Variants in SOX5 observed in about 807,000 individuals in gnomAD.
SOX5 encodes the protein SRY-box transcription factor 5, also known as transcription factor SOX-5.
In SOX5, 9 loss-of-function variants were observed where a neutral mutation model predicts 92.0. That is an observed-to-expected ratio of 0.10 (90% CI 0.06 to 0.17). The LOEUF (loss-of-function observed/expected upper bound fraction) is 0.17, where lower values mean the gene tolerates loss of function less well. Among genes scored for constraint, SOX5 ranks in the 10% least tolerant of loss-of-function variants. The probability of loss-of-function intolerance (pLI) is 1.00; values close to 1 mark genes in which losing one functional copy is unlikely to be tolerated. For missense variants in SOX5, 642 were observed against 944.5 expected (o/e 0.68, Z 4.20); for synonymous variants, 344 against 336.3 (o/e 1.02, Z -0.25).
intron 2 of SOX5, among the ~76,000 whole-genome samples, chr12:23,872,905 C>A (rs76794929): frequency 0.053 from 7,995 of 152,226 alleles, 245 homozygotes; most frequent in African/African-American, 0.08. Flanking sequence ...CCTGAAAGAT[C>A]ATCTTCATAT....
At chr12:23,557,849 G>A (rs1015653475) in intron 11 of SOX5, among the ~76,000 whole-genome samples, 4 of 151,984 alleles carry the variant, frequency 2.6e-5, no homozygotes, top group East Asian at 1.9e-4. Flanking sequence ...TGTGGCACAC[G>A]CCTGTAGTCC....
At chr12:23,707,071 A>G (rs528098866) in intron 6 of SOX5, among the ~76,000 whole-genome samples, 19 of 152,256 alleles carry the variant, frequency 1.2e-4, no homozygotes, top group Middle Eastern at 6.8e-3. Context: ...TAGATTTCCT[A>G]TTAGTGCAGT....
chr12:24,379,876 C>CTTTTTT (rs10652256), intron 1 of SOX5, among the ~76,000 whole-genome samples: 78,513 of 139,050 alleles, frequency 0.56, 22,699 homozygotes, highest in Non-Finnish European at 0.61. Flanking sequence ...CCAGAAGATT[C>CTTTTTT]TTTTTTTTTT....
At chr12:23,912,102 A>G (rs2097358066) in intron 1 of SOX5, among the ~76,000 whole-genome samples, 1 of 152,098 alleles carries the variant, frequency 6.6e-6, no homozygotes, top group African/African-American at 2.4e-5. Flanking sequence ...TAATTTATAT[A>G]TAAATATATA....
At chr12:24,536,449 G>A (rs1054579813) in intron 1 of SOX5, among the ~76,000 whole-genome samples, 1 of 152,114 alleles carries the variant, frequency 6.6e-6, no homozygotes, top group Admixed American at 6.5e-5. Flanking sequence ...AGGGGCAAAA[G>A]TTCAGAGCAA....
At chr12:23,847,119 T>C (rs902740856) in intron 2 of SOX5, among the ~76,000 whole-genome samples, 1 of 152,120 alleles carries the variant, frequency 6.6e-6, no homozygotes, top group African/African-American at 2.4e-5. Flanking sequence ...GGAGGAGTGA[T>C]AATGAAATGA....
intron 4 of SOX5, among the ~76,000 whole-genome samples, chr12:24,083,160 G>A (rs1943569446): frequency 6.6e-6 from 1 of 151,908 alleles, no homozygotes; most frequent in African/African-American, 2.4e-5. Flanking sequence ...TTTTTCAAGT[G>A]TATTCAATTT....
At chr12:23,666,760 C>G (rs901592993) in intron 6 of SOX5, among the ~76,000 whole-genome samples, 1 of 152,124 alleles carries the variant, frequency 6.6e-6, no homozygotes, top group Non-Finnish European at 1.5e-5. Flanking sequence ...AATCCCACAT[C>G]TATGAAGCCT....
intron 1 of SOX5, among the ~76,000 whole-genome samples, chr12:24,461,574 A>G (rs1015299517): frequency 6.6e-6 from 1 of 152,226 alleles, no homozygotes; most frequent in Admixed American, 6.5e-5. Context: ...CCTGAAGATA[A>G]CAATAGTCCT....
chr12:23,575,869 T>C (rs758738290), intron 9 of SOX5, 31 bp from the exon 10 acceptor site: 1 of 1,498,672 alleles, frequency 6.7e-7, no homozygotes, highest in South Asian at 1.4e-5. Context: ...TGAGCTGTGA[T>C]AAGGAAAGGC....
At position 23,600,519 on chromosome 12, in the gene SOX5, G is replaced by A. The variant is rs1250569931; in HGVS notation, c.1164+3868C>T. Among the ~76,000 whole-genome samples, 13 of 13,062 alleles carry A rather than the reference G, an allele frequency of 1.0e-3. No homozygotes were observed. The East Asian group carries it at 0.012, about 12-fold the overall frequency. The allele number at this position is 13,062 out of a possible 152,430, so 8.6% of individuals were successfully genotyped here. On this transcript the variant is annotated intron_variant, in intron 9 of 14. Coordinates refer to ENST00000451604, the MANE Select transcript of SOX5 (RefSeq NM_006940.6). ...GGCAAGATAGACCATGGCGGGGGGG[G>A]TGCATATATATATATATATATATAT... is the stretch of plus-strand genomic sequence containing the variant.
At chr12:23,896,705 G>T (rs1410176485) in intron 1 of SOX5, among the ~76,000 whole-genome samples, 3 of 132,806 alleles carry the variant, frequency 2.3e-5, no homozygotes, top group Admixed American at 8.1e-5. Context: ...TAACAAAGTT[G>T]CAAGGTAGTA....
rs1385410544 is a variant in SOX5, at chr12:24,509,685, C to T, written c.-251+52644G>A. 3.9e-5 allele frequency among the ~76,000 whole-genome samples: 6 copies of T among 152,282 alleles called. No homozygotes were observed. The South Asian group carries it at 1.0e-3, about 26-fold the overall frequency. Reference sequence around the variant, plus strand: ...GATGGATGTGTTTATGCAGAATGCCCCGGCCTCTCATTAGCAAGCTATAAA... The same window carrying T: ...GATGGATGTGTTTATGCAGAATGCCTCGGCCTCTCATTAGCAAGCTATAAA... On this transcript the variant is annotated intron_variant, in intron 1 of 4. Transcript: ENST00000446891.
chr12:23,960,514 CATATATATATATATACAT>C lies in SOX5; in HGVS notation c.-1-64508_-1-64491del, dbSNP rs1240517742. Reference sequence around the variant, plus strand: ...ATTTATATACATATATATTTATATACATATATATATATATACATATATATATATATATGAAGTCAGTTA... The same window carrying C: ...ATTTATATACATATATATTTATATACATATATATATATATGAAGTCAGTTA... On this transcript the variant is annotated intron_variant, in intron 4 of 4. Coordinates refer to the SOX5 transcript ENST00000446891. Among the ~76,000 whole-genome samples the C allele has an allele frequency of 7.4e-3, 792 of 106,936 alleles. 8 individuals carry two copies. The highest frequency in any genetic ancestry group is 0.023 in the African/African-American group (743 of 32,138). 70.2% of individuals were successfully genotyped at this position (106,936 alleles called of 152,430 possible).
Position 24,118,816 on chromosome 12 carries a change from C to T in SOX5, c.-2+94527G>A, listed in dbSNP as rs566666720. 2.0e-5 allele frequency among the ~76,000 whole-genome samples: 3 copies of T among 152,204 alleles called. No homozygotes were observed. The South Asian group carries it at 6.2e-4, about 32-fold the overall frequency. ...CCAAAATAAAGTTACTGTAAACAGA[C>T]ATTTGGCAGATAATATGAGAACAAC... On this transcript the variant is annotated intron_variant, in intron 4 of 4. Coordinates refer to the SOX5 transcript ENST00000446891.
intron 1 of SOX5, among the ~76,000 whole-genome samples, chr12:24,435,054 T>C (rs1939141364): frequency 6.6e-6 from 1 of 152,194 alleles, no homozygotes; most frequent in Admixed American, 6.5e-5. Flanking sequence ...CAACCACTTC[T>C]GCCACCAAAG....
chr12:24,237,741 G>C (rs1456640916), intron 3 of SOX5: 3 of 152,150 alleles, frequency 2.0e-5, no homozygotes, highest in Non-Finnish European at 2.9e-5. Flanking sequence ...TATTTCATGT[G>C]TATTATCTTG....
intron 4 of SOX5, among the ~76,000 whole-genome samples, chr12:24,042,136 A>G (rs1175707996): frequency 6.6e-6 from 1 of 152,106 alleles, no homozygotes; most frequent in Non-Finnish European, 1.5e-5. Flanking sequence ...TGTGAAGAAA[A>G]GTTAGTGCAG....
At chr12:24,297,560 A>G (rs1431097794) in intron 2 of SOX5, among the ~76,000 whole-genome samples, 1 of 152,232 alleles carries the variant, frequency 6.6e-6, no homozygotes, top group Admixed American at 6.5e-5. Flanking sequence ...TGCTTCAAAT[A>G]ATGAACAGAT....
Sources: gnomAD v4.1 joint callset for allele counts (sites outside exome capture counted in the v4.1 genomes callset) on GRCh38, gnomAD v4.1.1 for gene constraint, MANE v1.5 for transcripts, NCBI Gene and HGNC (gene_info 2026-07-23, HGNC 2026-07-21) for gene names.